Variants in LRP2 observed in about 807,000 individuals in gnomAD.
LRP2 encodes LDL receptor related protein 2, also known as low-density lipoprotein receptor-related protein 2.
LRP2 carries 172 observed loss-of-function variants against 531.0 expected under a neutral mutation model. The ratio of observed to expected loss-of-function variants is 0.32; its 90% CI spans 0.29 to 0.37. The LOEUF is 0.37. Ranked by LOEUF, LRP2 falls within the 10% of genes least tolerant of loss-of-function variation. The probability of loss-of-function intolerance (pLI) is 1.00; values close to 1 mark genes in which losing one functional copy is unlikely to be tolerated. For missense variants in LRP2, 5,167 were observed against 5,868.3 expected (o/e 0.88, Z 3.90); for synonymous variants, 1,992 against 2,027.6 (o/e 0.98, Z 0.47).
rs769934458 is a variant in LRP2 at position 169,238,121 on chromosome 2, A to C, written c.4476T>G (p.Ser1492Arg). 6.2e-7 allele frequency: 1 copy of C among 1,614,106 alleles called. No individual in the cohort carries two copies. The highest frequency in any genetic ancestry group is 1.1e-5 in the South Asian group (1 of 91,076). Residue 1492 changes from serine to arginine, a missense_variant, in exon 27 of 79, where the codon AGT becomes AGG. By Grantham distance (110) the Ser-to-Arg change is moderately radical. Around this residue, in one of 6 missense-constraint regions of LRP2, gnomAD observed 2,811 missense variants for 3,058.0 expected, o/e 0.92. Coordinates refer to ENST00000649046, the MANE Select transcript of LRP2 (RefSeq NM_004525.3). ...TTCTGTCCGTTCCATTTTGAAACGC[A>C]CTCCAGGTTTTACCCTGAGTTGCAT... ...WSDATQGKTW[S>R]AFQNGTDRRV...
chr2:169,350,029 G>T (rs571972150), intron 1 of LRP2, among the ~76,000 whole-genome samples: 1 of 152,302 alleles, frequency 6.6e-6, no homozygotes, highest in Non-Finnish European at 1.5e-5. Flanking sequence ...GGCAAGAGAG[G>T]GCAGTCGGTT....
At chr2:169,282,596 A>G (rs1314807890) in intron 10 of LRP2, among the ~76,000 whole-genome samples, 1 of 152,238 alleles carries the variant, frequency 6.6e-6, no homozygotes, top group African/African-American at 2.4e-5. Context: ...TCCACAATTA[A>G]AGGTGGGTGA....
At position 169,189,183 on chromosome 2, in the gene LRP2, T is replaced by C. The variant is rs879811006; in HGVS notation, c.9033-918A>G. On this transcript the variant is annotated intron_variant, in intron 48 of 78. Coordinates refer to ENST00000649046, the MANE Select transcript of LRP2 (RefSeq NM_004525.3). The stretch of plus-strand genomic sequence containing the variant: ...ATAAGAGTGAACAAAGCTAATGGTT[T>C]TGAACAATTTATCATAGAAAGCATA... Among the ~76,000 whole-genome samples, 14 of 152,160 alleles carry C rather than the reference T, an allele frequency of 9.2e-5. No homozygotes were observed. In the East Asian group the frequency reaches 2.7e-3, roughly 29 times the overall value.
At chr2:169,359,457 C>T (rs1434882590) in intron 1 of LRP2, among the ~76,000 whole-genome samples, 2 of 151,358 alleles carry the variant, frequency 1.3e-5, no homozygotes, top group Non-Finnish European at 2.9e-5. Flanking sequence ...CTTTTTTTTC[C>T]CCTCCAATTT....
intron 44 of LRP2, among the ~76,000 whole-genome samples, chr2:169,201,089 C>G (rs1454792622): frequency 6.6e-6 from 1 of 152,162 alleles, no homozygotes; most frequent in East Asian, 1.9e-4. Context: ...TTAAATGGAT[C>G]AATTATGCAA....
At position 169,291,545 on chromosome 2, in the gene LRP2, G is replaced by T. The variant is rs532173322; in HGVS notation, c.770-548C>A. ...GAATGGTGCAGGTAACTTGCTGTAG[G>T]GTATGGGTATTAGTAACTGCTAAAT... On this transcript the variant is annotated intron_variant, in intron 7 of 78. Transcript: ENST00000649046. Among the ~76,000 whole-genome samples the T allele has an allele frequency of 5.3e-5, 8 of 152,180 alleles. 1 individual carries two copies. The highest frequency in any genetic ancestry group is 5.2e-4 in the Admixed American group (8 of 15,278).
intron 1 of LRP2, among the ~76,000 whole-genome samples, chr2:169,357,749 A>G (rs904585829): frequency 2.0e-5 from 3 of 152,220 alleles, no homozygotes; most frequent in Non-Finnish European, 2.9e-5. Context: ...GGTTCCTGGT[A>G]TCATTATTTT....
At position 169,312,270 on chromosome 2, in the gene LRP2, G is replaced by A. The variant is rs377239990; in HGVS notation, c.311-4873C>T. Among the ~76,000 whole-genome samples the A allele has an allele frequency of 3.5e-3, 533 of 151,960 alleles. 2 individuals carry two copies. The highest frequency in any genetic ancestry group is 0.012 in the African/African-American group (515 of 41,408). Reference sequence around the variant, plus strand: ...ATGATGTTAGCTGGTTATTTTGCTCGTTAGTTGATGCAGTTTCTTCCTAGC... The same window carrying A: ...ATGATGTTAGCTGGTTATTTTGCTCATTAGTTGATGCAGTTTCTTCCTAGC... On this transcript the variant is annotated intron_variant, in intron 3 of 78. Transcript: ENST00000649046.
chr2:169,186,171 G>A (rs1687631753), intron 49 of LRP2, 152 bp from the exon 50 acceptor site: 1 of 701,898 alleles, frequency 1.4e-6, no homozygotes, highest in Non-Finnish European at 2.3e-6. Flanking sequence ...GTGGATTATT[G>A]AAAAGTCACT....
intron 62 of LRP2, among the ~76,000 whole-genome samples, 180 bp downstream of exon 62, chr2:169,165,752 G>A (rs1214596745): frequency 2.6e-5 from 4 of 152,212 alleles, no homozygotes; most frequent in Admixed American, 2.6e-4. Context: ...GAAGAAACAG[G>A]CAGGGTTACA....
At chr2:169,351,411 G>A (rs1685844462) in intron 1 of LRP2, among the ~76,000 whole-genome samples, 1 of 152,144 alleles carries the variant, frequency 6.6e-6, no homozygotes, top group Admixed American at 6.6e-5. Context: ...AAGAAAGAGG[G>A]GACAATTGCA....
chr2:169,274,302 G>A (rs1290861073), intron 14 of LRP2, among the ~76,000 whole-genome samples: 1 of 152,084 alleles, frequency 6.6e-6, no homozygotes, highest in Non-Finnish European at 1.5e-5. Flanking sequence ...GCTTATGATA[G>A]GCCAGGTGCA....
At position 169,185,754 on chromosome 2, in the gene LRP2, T is replaced by G. The variant is rs2105301807; in HGVS notation, c.9594A>C (p.Glu3198Asp). 6.2e-7 allele frequency: 1 copy of G among 1,613,778 alleles called. No homozygotes were observed. The highest frequency in any genetic ancestry group is 2.2e-5 in the East Asian group (1 of 44,852). ...AACGGTTGCTAAAAATGAGATAGGG[T>G]TCGATGTTACTGTTTTGCCGGCAGG... ...GKTCRQNSNI[E>D]PYLIFSNRYY... The change falls in exon 50 of 79, where the codon GAA becomes GAC. Residue 3198 changes from glutamate (E) to aspartate (D), a missense_variant. By Grantham distance (45) the Glu-to-Asp change is conservative. This residue lies in a region of LRP2 where 1,129 missense variants were observed against 1,362.7 expected (regional missense o/e 0.83). Transcript: ENST00000649046.
At chr2:169,189,479 G>C (rs1687756071) in intron 48 of LRP2, among the ~76,000 whole-genome samples, 2 of 152,140 alleles carry the variant, frequency 1.3e-5, no homozygotes, top group Non-Finnish European at 2.9e-5. Flanking sequence ...GTCTAATTTA[G>C]ATCCAATGCA....
intron 3 of LRP2, among the ~76,000 whole-genome samples, chr2:169,311,555 G>A (rs1684598858): frequency 6.6e-6 from 1 of 152,198 alleles, no homozygotes; most frequent in Admixed American, 6.5e-5. Context: ...TTGCACTGTG[G>A]TCTGAGAGAC....
chr2:169,307,578 G>C (rs1684460521), intron 3 of LRP2, among the ~76,000 whole-genome samples, 181 bp from the exon 4 acceptor site: 1 of 152,142 alleles, frequency 6.6e-6, no homozygotes, highest in Non-Finnish European at 1.5e-5. Context: ...AAAATGCCCA[G>C]AGAATAGTGT....
Position 169,361,396 on chromosome 2 carries a change from GTCTCTCTCCTCTCTC to G in LRP2, c.79+910_79+924del, listed in dbSNP as rs1686158049. Among the ~76,000 whole-genome samples the G allele has an allele frequency of 1.3e-3, 124 of 95,552 alleles. 1 individual carries two copies. Among genetic ancestry groups the G allele is most frequent in the African/African-American group, 4.7e-3 (119 of 25,556 alleles). The allele number at this position is 95,552 out of a possible 152,430, so 62.7% of individuals were successfully genotyped here. A position where few individuals can be genotyped will look rare whatever the true frequency, so the allele number is the denominator to read the frequency against. ...TCTCTCCCTCTCTCTCTCTCTCTCT[GTCTCTCTCCTCTCTC>G]TCCTCTCTCTCTCTCTTCTCCCGCC... On this transcript the variant is annotated intron_variant, in intron 1 of 78. Transcript: ENST00000649046.
intron 75 of LRP2, 151 bp downstream of exon 75, chr2:169,138,426 A>C: frequency 1.2e-6 from 1 of 821,920 alleles, no homozygotes; most frequent in African/African-American, 1.7e-5. Context: ...TCAGCAACAA[A>C]CCTAATGTTT....
intron 1 of LRP2, among the ~76,000 whole-genome samples, chr2:169,329,023 C>T (rs1685196641): frequency 6.6e-6 from 1 of 152,238 alleles, no homozygotes; most frequent in South Asian, 2.1e-4. Context: ...CAGATTTACA[C>T]TGAGGCAGTC....
Sources: allele counts gnomAD v4.1 joint callset (sites outside exome capture counted in the v4.1 genomes callset), GRCh38; gene constraint gnomAD v4.1.1; regional missense constraint gnomAD v4.1.1; transcripts MANE v1.5; gene names NCBI Gene and HGNC (gene_info 2026-07-23, HGNC 2026-07-21).